The following ZNF536 variants were observed in gnomAD, a reference collection of about 807,000 sequenced individuals.
ZNF536 encodes the protein zinc finger protein 536.
A neutral mutation model predicts 84.5 loss-of-function variants in ZNF536; 13 were observed. That is an observed-to-expected ratio of 0.15 (90% CI 0.10 to 0.24). The LOEUF (loss-of-function observed/expected upper bound fraction) is 0.24. Among genes scored for constraint, ZNF536 ranks in the 10% least tolerant of loss-of-function variants. The pLI is 1.00. For missense variants in ZNF536, 1,536 were observed against 1,747.5 expected (o/e 0.88, Z 2.16); for synonymous variants, 811 against 742.5 (o/e 1.09, Z -1.50).
chr19:30,646,828 G>A (rs531857391), intron 1 of ZNF536, among the ~76,000 whole-genome samples: 2 of 152,216 alleles, frequency 1.3e-5, no homozygotes, highest in Admixed American at 6.5e-5. Flanking sequence ...ACGTTTGGGC[G>A]CATTTCCGAA....
intron 2 of ZNF536, among the ~76,000 whole-genome samples, chr19:30,461,929 A>G (rs577741299): frequency 1.6e-3 from 248 of 151,684 alleles, no homozygotes; most frequent in African/African-American, 5.8e-3. Context: ...TCAGCTCTCC[A>G]CCCCCACCCC....
downstream of ZNF536, among the ~76,000 whole-genome samples, chr19:30,563,020 T>C (rs1009924433): frequency 1.3e-5 from 2 of 152,198 alleles, no homozygotes; most frequent in African/African-American, 4.8e-5. Context: ...CGTGTATCCC[T>C]TAAGAGAATA....
At chr19:30,636,254 G>A (rs542278699) in intron 1 of ZNF536, among the ~76,000 whole-genome samples, 9 of 152,092 alleles carry the variant, frequency 5.9e-5, no homozygotes, top group African/African-American at 1.9e-4. Flanking sequence ...CAGGTCCTAC[G>A]CAGACAGGAA....
intron 4 of ZNF536, among the ~76,000 whole-genome samples, chr19:30,550,486 G>C (rs1246482316): frequency 6.6e-6 from 1 of 152,084 alleles, no homozygotes; most frequent in Non-Finnish European, 1.5e-5. Context: ...AGAGACAAAT[G>C]ACCATGATAC....
At chr19:30,657,773 T>TTCTCCTCTC in intron 1 of ZNF536, among the ~76,000 whole-genome samples, 1 of 152,288 alleles carries the variant, frequency 6.6e-6, no homozygotes, top group East Asian at 1.9e-4. Flanking sequence ...TATCCTTGAT[T>TTCTCCTCTC]TCTCCTCTCT....
At chr19:30,271,588 G>C (rs545915537) in intron 1 of ZNF536, among the ~76,000 whole-genome samples, 69 of 152,138 alleles carry the variant, frequency 4.5e-4, no homozygotes, top group African/African-American at 1.7e-3. Context: ...CCATTCTCTC[G>C]CCATGTTCCT....
intron 1 of ZNF536, among the ~76,000 whole-genome samples, chr19:30,271,980 C>T (rs1439647102): frequency 6.6e-6 from 1 of 152,174 alleles, no homozygotes; most frequent in Admixed American, 6.5e-5. Flanking sequence ...TCGTTGAAAG[C>T]CAAGAGCACT....
intron 1 of ZNF536, among the ~76,000 whole-genome samples, chr19:30,699,127 T>C (rs2051786510): frequency 6.6e-6 from 1 of 152,220 alleles, no homozygotes; most frequent in Non-Finnish European, 1.5e-5. Context: ...TTTAGTACTT[T>C]CTTACTTTCT....
At chr19:30,613,245 G>A (rs1419279132) in intron 1 of ZNF536, among the ~76,000 whole-genome samples, 1 of 152,108 alleles carries the variant, frequency 6.6e-6, no homozygotes, top group African/African-American at 2.4e-5. Context: ...TTCCCTTTAT[G>A]ATGAAAAAGC....
intron 1 of ZNF536, among the ~76,000 whole-genome samples, chr19:30,272,764 T>C (rs1224437018): frequency 6.6e-6 from 1 of 152,266 alleles, no homozygotes; most frequent in Non-Finnish European, 1.5e-5. Context: ...TTTTTATTGC[T>C]GAATAATATT....
At chr19:30,279,663 A>G (rs1383879742) in intron 1 of ZNF536, among the ~76,000 whole-genome samples, 3 of 152,150 alleles carry the variant, frequency 2.0e-5, no homozygotes, top group Non-Finnish European at 2.9e-5. Flanking sequence ...CAGGGGGTGC[A>G]CACTGGAGAA....
At chr19:30,542,705 C>T (rs547503458) in intron 3 of ZNF536, among the ~76,000 whole-genome samples, 6 of 152,138 alleles carry the variant, frequency 3.9e-5, no homozygotes, top group Non-Finnish European at 8.8e-5. Context: ...TGCTCCAGAC[C>T]CCATCTGTAA....
chr19:30,707,784 T>TG (rs955989884), intron 1 of ZNF536, among the ~76,000 whole-genome samples: 2 of 151,876 alleles, frequency 1.3e-5, no homozygotes, highest in Admixed American at 1.3e-4. Context: ...CCAAAGTGGG[T>TG]GGATCACCTG....
At chr19:30,430,170 C>A (rs577072442) in intron 1 of ZNF536, among the ~76,000 whole-genome samples, 1 of 152,182 alleles carries the variant, frequency 6.6e-6, no homozygotes, top group Non-Finnish European at 1.5e-5. Context: ...GAGTAGAGGG[C>A]AGGGCTGGTC....
chr19:30,606,796 C>T (rs1349836085), intron 1 of ZNF536, among the ~76,000 whole-genome samples: 2 of 152,136 alleles, frequency 1.3e-5, no homozygotes, highest in African/African-American at 4.8e-5. Flanking sequence ...ATCCTGAGAA[C>T]GTTGCAGCTC....
At chr19:30,609,811 T>TA (rs2048029160) in intron 1 of ZNF536, among the ~76,000 whole-genome samples, 1 of 37,206 alleles carries the variant, frequency 2.7e-5, no homozygotes, top group Admixed American at 2.5e-4. Flanking sequence ...TCCATCCATT[T>TA]ACCTACCCAT....
chr19:30,287,573 G>A (rs2045681035), intron 2 of ZNF536, among the ~76,000 whole-genome samples: 2 of 147,372 alleles, frequency 1.4e-5, no homozygotes, highest in Non-Finnish European at 3.0e-5. Context: ...TGGGTATATG[G>A]ATGGATGGAT....
chr19:30,419,919 G>A (rs557942827), intron 1 of ZNF536, among the ~76,000 whole-genome samples: 68 of 152,344 alleles, frequency 4.5e-4, no homozygotes, highest in African/African-American at 1.6e-3. Flanking sequence ...CAAAGCAGGA[G>A]GGGACAGAGT....
chr19:30,504,349 C>T (rs538999230), intron 2 of ZNF536, among the ~76,000 whole-genome samples: 1 of 145,464 alleles, frequency 6.9e-6, no homozygotes, highest in Non-Finnish European at 1.5e-5. Context: ...TTCCTTCCTT[C>T]CTACTTCCTT....
Sources: gnomAD v4.1 joint callset for allele counts (sites outside exome capture counted in the v4.1 genomes callset) on GRCh38, gnomAD v4.1.1 for gene constraint, MANE v1.5 for transcripts, NCBI Gene and HGNC (gene_info 2026-07-23, HGNC 2026-07-21) for gene names.